The following DLGAP2 variants were observed in gnomAD, a reference collection of about 807,000 sequenced individuals.
The protein encoded by DLGAP2 is disks large-associated protein 2.
A neutral mutation model predicts 100.3 loss-of-function variants in DLGAP2; 26 were observed. The ratio of observed to expected loss-of-function variants is 0.26; its 90% confidence interval spans 0.19 to 0.36. The LOEUF is 0.36. Among genes scored for constraint, DLGAP2 ranks in the 10% least tolerant of loss-of-function variants. DLGAP2 has a pLI of 1.00. For synonymous variants in DLGAP2, 886 were observed against 630.1 expected (o/e 1.41, Z -6.08); for missense variants, 1,858 against 1,453.2 (o/e 1.28, Z -4.53).
chr8:1,313,077 T>C (rs1800649585), intron 3 of DLGAP2, among the ~76,000 whole-genome samples: 1 of 152,234 alleles, frequency 6.6e-6, no homozygotes, highest in Non-Finnish European at 1.5e-5. Context: ...GACTGGTGTG[T>C]GCCGGAGCCC....
intron 4 of DLGAP2, among the ~76,000 whole-genome samples, chr8:1,536,544 A>G (rs1280819780): frequency 6.6e-6 from 1 of 152,168 alleles, no homozygotes; most frequent in Non-Finnish European, 1.5e-5. Context: ...AAGCATTTTG[A>G]GCCTGGCGTG....
intron 3 of DLGAP2, among the ~76,000 whole-genome samples, chr8:1,449,121 C>G (rs900213599): frequency 6.6e-6 from 1 of 152,150 alleles, no homozygotes; most frequent in Non-Finnish European, 1.5e-5. Flanking sequence ...ATTATTAATT[C>G]CTGTTCTCTT....
At chr8:798,781 G>T (rs1042144520) in intron 1 of DLGAP2, among the ~76,000 whole-genome samples, 1 of 147,150 alleles carries the variant, frequency 6.8e-6, no homozygotes, top group Non-Finnish European at 1.5e-5. Flanking sequence ...AGGACCTGCA[G>T]CCCCGTGCCC....
chr8:993,787 CTTTTTTTTT>C lies in DLGAP2; in HGVS notation c.73+85837_73+85845del, dbSNP rs534659471. ...GACACCATGCAAGCAAACTGATTGG[CTTTTTTTTT>C]TTTTTTTTTTTTTTTGGTGTGTGTT... On this transcript the variant is annotated intron_variant, in intron 2 of 14. Transcript: ENST00000637795. Among the ~76,000 whole-genome samples, 20 of 64,168 alleles carry C rather than the reference CTTTTTTTTT, an allele frequency of 3.1e-4. No individual in the cohort carries two copies. In the East Asian group the frequency reaches 8.2e-3, roughly 26 times the overall value. 42.1% of individuals were successfully genotyped at this position (64,168 alleles called of 152,430 possible). A position where few individuals can be genotyped will look rare whatever the true frequency, so the allele number is the denominator to read the frequency against.
intron 1 of DLGAP2, among the ~76,000 whole-genome samples, chr8:873,840 G>A (rs1344605745): frequency 2.0e-5 from 3 of 152,130 alleles, no homozygotes; most frequent in South Asian, 2.1e-4. Context: ...TAGAGATGTC[G>A]TCTGGGCCTG....
intron 2 of DLGAP2, among the ~76,000 whole-genome samples, chr8:1,117,733 CTT>C (rs1184885487): frequency 6.6e-6 from 1 of 152,300 alleles, no homozygotes; most frequent in African/African-American, 2.4e-5. Context: ...GACCAGGACT[CTT>C]TGTAAGACAC....
intron 3 of DLGAP2, among the ~76,000 whole-genome samples, chr8:1,296,473 G>A (rs1563067254): frequency 6.6e-6 from 1 of 152,148 alleles, no homozygotes; most frequent in South Asian, 2.1e-4. Context: ...CCCTCATATT[G>A]TATGTGTGTC....
intron 2 of DLGAP2, among the ~76,000 whole-genome samples, chr8:1,136,672 A>G (rs1796420863): frequency 1.3e-5 from 2 of 152,210 alleles, no homozygotes; most frequent in African/African-American, 2.4e-5. Context: ...CTTCAAATTG[A>G]ATGTGGATTC....
At chr8:1,308,755 C>A (rs1204672150) in intron 3 of DLGAP2, among the ~76,000 whole-genome samples, 2 of 152,198 alleles carry the variant, frequency 1.3e-5, no homozygotes, top group Admixed American at 6.5e-5. Flanking sequence ...GAACTCCCGA[C>A]CTCGGATGAT....
intron 4 of DLGAP2, among the ~76,000 whole-genome samples, chr8:1,532,864 T>A (rs1801029635): frequency 1.3e-5 from 2 of 152,322 alleles, no homozygotes; most frequent in Admixed American, 1.3e-4. Flanking sequence ...AGGAGAGGAA[T>A]ACAAGTCCAG....
intron 2 of DLGAP2, among the ~76,000 whole-genome samples, chr8:1,198,509 C>A (rs11985855): frequency 8.6e-5 from 13 of 152,012 alleles, no homozygotes; most frequent in Non-Finnish European, 1.9e-4. Context: ...GATGAGCATC[C>A]CCCAGAGCTC....
At chr8:1,685,298 G>C (rs1799085846) in intron 12 of DLGAP2, among the ~76,000 whole-genome samples, 1 of 152,220 alleles carries the variant, frequency 6.6e-6, no homozygotes, top group African/African-American at 2.4e-5. Flanking sequence ...GTCCATGGTT[G>C]GCCCAGGTGG....
chr8:1,627,780 G>T (rs1002095479), intron 7 of DLGAP2, among the ~76,000 whole-genome samples: 1 of 151,988 alleles, frequency 6.6e-6, no homozygotes, highest in Non-Finnish European at 1.5e-5. Context: ...CTGTGGAGCA[G>T]GGATTAAGAG....
intron 3 of DLGAP2, among the ~76,000 whole-genome samples, chr8:1,487,350 A>G (rs995544309): frequency 2.6e-5 from 4 of 152,234 alleles, no homozygotes; most frequent in African/African-American, 7.2e-5. Flanking sequence ...TGGGTATTAC[A>G]GAGATTCAGG....
In DLGAP2 at chr8:1,217,392, A is replaced by G. The variant is rs146579879; in HGVS notation, c.74-41459A>G. 2.5e-3 allele frequency among the ~76,000 whole-genome samples: 375 copies of G among 152,114 alleles called. 1 individual carries two copies. The highest frequency in any genetic ancestry group is 9.8e-3 in the South Asian group (47 of 4,808). ...ACTATGTTGATTCCATGTCTTTGCT[A>G]TTGTGAATAGTTCTGTGATGAACAC... On this transcript the variant is annotated intron_variant, in intron 2 of 14. Coordinates refer to ENST00000637795, the MANE Select transcript of DLGAP2 (RefSeq NM_001346810.2).
intron 3 of DLGAP2, among the ~76,000 whole-genome samples, chr8:1,482,553 A>G (rs1448704274): frequency 6.6e-6 from 1 of 152,274 alleles, no homozygotes; most frequent in African/African-American, 2.4e-5. Context: ...AGTTAACAAA[A>G]AAGGCTCAAC....
chr8:1,586,441 A>G (rs1796122203), intron 6 of DLGAP2, among the ~76,000 whole-genome samples: 1 of 152,144 alleles, frequency 6.6e-6, no homozygotes. Flanking sequence ...TCTCACGTCC[A>G]CATCGATCTC....
chr8:828,552 T>C (rs141082561), intron 1 of DLGAP2, among the ~76,000 whole-genome samples: 6,338 of 152,318 alleles, frequency 0.042, 202 homozygotes, highest in African/African-American at 0.082. Context: ...ACATTTCATA[T>C]TGCTCAAACA....
chr8:1,592,691 A>G (rs1379830557), intron 6 of DLGAP2, among the ~76,000 whole-genome samples: 2 of 152,130 alleles, frequency 1.3e-5, no homozygotes, highest in African/African-American at 4.8e-5. Flanking sequence ...CATTTAATGC[A>G]GTGATAGTTA....
Sources: allele counts gnomAD v4.1 joint callset (sites outside exome capture counted in the v4.1 genomes callset), GRCh38; gene constraint gnomAD v4.1.1; transcripts MANE v1.5; gene names NCBI Gene and HGNC (gene_info 2026-07-23, HGNC 2026-07-21).